Variants in SYMPK observed in about 807,000 individuals in gnomAD.
The protein encoded by SYMPK is symplekin scaffold protein.
A neutral mutation model predicts 136.4 loss-of-function variants in SYMPK; 49 were observed. The ratio of observed to expected loss-of-function variants is 0.36; its 90% CI spans 0.29 to 0.46. The LOEUF (loss-of-function observed/expected upper bound fraction) is 0.46. SYMPK is among the 20% of genes least tolerant of loss of function. The pLI, the probability that SYMPK is intolerant of heterozygous loss-of-function variation, is 1.00. For synonymous variants in SYMPK, 766 were observed against 713.0 expected (o/e 1.07, Z -1.19); for missense variants, 1,365 against 1,690.0 (o/e 0.81, Z 3.37).
Position 45,821,935 on chromosome 19 carries a change from G to C in SYMPK, c.2792-450C>G, listed in dbSNP as rs1026864801. ...GTGTGGGGCCTGGGGGAGTGGAGGG[G>C]AGGCTGGTGGAGTGGCTCTTTGCTG... On this transcript the variant is annotated intron_variant, in intron 21 of 26. Transcript: ENST00000245934. The surrounding 1 kb of genome is among the most constrained non-coding windows in gnomAD (Gnocchi z 4.4). 2.0e-5 allele frequency among the ~76,000 whole-genome samples: 3 copies of C among 152,146 alleles called. No individual in the cohort carries two copies. Among genetic ancestry groups the C allele is most frequent in the African/African-American group, 7.2e-5 (3 of 41,422 alleles).
At position 45,831,600 on chromosome 19, in the gene SYMPK, G is replaced by A. The variant is rs373321554; in HGVS notation, c.1394-12C>T. 1 of 1,568,504 alleles carries A rather than the reference G, an allele frequency of 6.4e-7. No homozygotes were observed. Among genetic ancestry groups the A allele is most frequent in the Admixed American group, 1.9e-5 (1 of 53,892 alleles). On this transcript the variant is annotated splice_polypyrimidine_tract_variant and intron_variant, in intron 11 of 26. Coordinates refer to ENST00000245934, the MANE Select transcript of SYMPK (RefSeq NM_004819.3). ...GGTCTGCTCTACACCTGAGGGGGAG[G>A]CAGCAAACAGACACCCAGTGCGTCA...
intron 5 of SYMPK, among the ~76,000 whole-genome samples, chr19:45,852,009 T>C (rs1404572876): frequency 6.6e-6 from 1 of 152,178 alleles, no homozygotes. Context: ...AAGGGTGGCT[T>C]GGGCCTGCAT....
intron 9 of SYMPK, among the ~76,000 whole-genome samples, chr19:45,839,403 T>A (rs1046631698): frequency 6.6e-6 from 1 of 152,154 alleles, no homozygotes; most frequent in African/African-American, 2.4e-5. Context: ...GTAAGTGAAA[T>A]GCTCAAAACA....
intron 22 of SYMPK, chr19:45,820,726 TCA>T (rs1970868896): frequency 6.1e-6 from 1 of 163,464 alleles, no homozygotes; most frequent in South Asian, 1.9e-4. Flanking sequence ...CCGTTTCACT[TCA>T]GATTCTGTTT....
At chr19:45,824,724 C>A (rs866010247) in intron 18 of SYMPK, among the ~76,000 whole-genome samples, 1 of 152,250 alleles carries the variant, frequency 6.6e-6, no homozygotes, top group Non-Finnish European at 1.5e-5. Flanking sequence ...TGTGGGCAGA[C>A]CTGTGCCTCT....
Position 45,827,909 on chromosome 19 carries a change from G to A in SYMPK, c.1995C>T (p.Thr665=). 6.2e-7 allele frequency: 1 copy of A among 1,613,848 alleles called. No individual in the cohort carries two copies. Among genetic ancestry groups the A allele is most frequent in the African/African-American group, 1.3e-5 (1 of 75,066 alleles). The change falls in exon 15 of 27, where the codon ACC becomes ACT. Residue 665 remains threonine (T), a synonymous_variant. Transcript: ENST00000245934. ...EKPDQKDGIF[T]KVVLEAPLIT... is the part of the protein sequence containing the mutation. ...TGAGTGGCGCCTCCAGCACAACCTT[G>A]GTGAAGATCCTGCCAGAGATGGAGG...
chr19:45,852,575 T>C (rs746912421), intron 3 of SYMPK, 40 bp from the exon 4 acceptor site: 1 of 1,612,198 alleles, frequency 6.2e-7, no homozygotes, highest in South Asian at 1.1e-5. Flanking sequence ...AATACCCATA[T>C]AAAACGAGGG....
In SYMPK at chr19:45,842,242, C is replaced by T. The variant is rs1256042334; in HGVS notation, c.1087+8G>A. On this transcript the variant is annotated splice_region_variant and intron_variant, in intron 9 of 26. Transcript: ENST00000245934. ...GTCTGCCTGCCCCACCCCACCAGCC[C>T]CTCTCACCCAGCTTCATCTTCTTGA... The T allele has an allele frequency of 1.2e-6, 2 of 1,613,842 alleles. No homozygotes were observed. The highest frequency in any genetic ancestry group is 1.7e-6 in the Non-Finnish European group (2 of 1,179,850).
In SYMPK at chr19:45,815,540, C is replaced by T. The variant is rs769363368; in HGVS notation, c.*20G>A. 1.8e-5 allele frequency: 27 copies of T among 1,527,056 alleles called. No homozygotes were observed. The East Asian group carries it at 5.6e-4, about 31-fold the overall frequency. 94.6% of individuals were successfully genotyped at this position (1,527,056 alleles called of 1,614,324 possible). A position where few individuals can be genotyped will look rare whatever the true frequency, so the allele number is the denominator to read the frequency against. On this transcript the variant is annotated 3_prime_UTR_variant, in exon 27 of 27. Coordinates refer to ENST00000245934, the MANE Select transcript of SYMPK (RefSeq NM_004819.3). ...CCAGCCCCGAGTCCCTGTCCCACCC[C>T]CTTTCCCCCTCGAGCCCCGTCAGCT...
At chr19:45,851,087 T>C (rs1309619597) in intron 5 of SYMPK, among the ~76,000 whole-genome samples, 1 of 152,084 alleles carries the variant, frequency 6.6e-6, no homozygotes, top group Non-Finnish European at 1.5e-5. Context: ...GGTTTCCACC[T>C]AAGTAAGCTG....
chr19:45,835,867 G>A (rs1971289088), intron 10 of SYMPK, among the ~76,000 whole-genome samples: 1 of 151,686 alleles, frequency 6.6e-6, no homozygotes, highest in Admixed American at 6.6e-5. Context: ...AGCCGAGATC[G>A]CGCTACTGCA....
At position 45,831,447 on chromosome 19, in the gene SYMPK, AG is replaced by A; in HGVS notation, c.1534del (p.Leu512TrpfsTer39). 3 of 1,607,550 alleles carry A rather than the reference AG, an allele frequency of 1.9e-6. No individual in the cohort carries two copies. Among genetic ancestry groups the A allele is most frequent in the Non-Finnish European group, 2.5e-6 (3 of 1,177,266 alleles). ...VVGSLSSMSP[L>X]EEEAPQAKRR... ...CTTGGCCTGCGGTGCCTCTTCCTCC[AG>A]GGGGGACATGGAGCTCAGGGAACCC... On this transcript the variant is annotated frameshift_variant, in exon 12 of 27. Transcript: ENST00000245934. LOFTEE classifies it high-confidence loss of function.
In SYMPK at chr19:45,816,841, C is replaced by T. The variant is rs746240919; in HGVS notation, c.3215G>A (p.Arg1072Gln). Residue 1072 changes from arginine (R) to glutamine (Q), a missense_variant, in exon 24 of 27, where the codon CGG (arginine) becomes CAG (glutamine). By Grantham distance (43) the Arg-to-Gln change is conservative. Coordinates refer to ENST00000245934, the MANE Select transcript of SYMPK (RefSeq NM_004819.3). ...GAVFDKCPEL[R>Q]EPLLAHVRSF... ...GCGGACATGGGCCAGCAGGGGCTCC[C>T]GGAGCTCTGGGCACTTGTCAAAGAC... 46 of 1,546,670 alleles carry T rather than the reference C, an allele frequency of 3.0e-5. No homozygotes were observed. The highest frequency in any genetic ancestry group is 3.7e-5 in the Non-Finnish European group (42 of 1,145,712).
At chr19:45,826,156 C>T in intron 17 of SYMPK, 70 bp downstream of exon 17, 1 of 1,534,470 alleles carries the variant, frequency 6.5e-7, no homozygotes, top group Non-Finnish European at 8.8e-7. Flanking sequence ...CCCACTCATC[C>T]CCTCTGCTCG....
Position 45,821,235 on chromosome 19 carries a change from G to A in SYMPK, c.2893+149C>T. On this transcript the variant is annotated intron_variant, in intron 22 of 26. Coordinates refer to ENST00000245934, the MANE Select transcript of SYMPK (RefSeq NM_004819.3). This position sits in a 1 kb window ranked among gnomAD's most constrained non-coding sequence, Gnocchi z 4.4. ...GAAGAGGAGGCAAGAAAAGGAGGGA[G>A]GGAGGGAGGTGGCTCTCCAGAGCTC... The A allele has an allele frequency of 1.4e-6, 1 of 712,158 alleles. No individual in the cohort carries two copies. Among genetic ancestry groups the A allele is most frequent in the Non-Finnish European group, 2.6e-6 (1 of 392,086 alleles). The allele number at this position is 712,158 out of a possible 1,614,324, so 44.1% of individuals were successfully genotyped here.
intron 10 of SYMPK, 146 bp downstream of exon 10, chr19:45,838,315 A>T: frequency 9.8e-7 from 1 of 1,017,878 alleles, no homozygotes; most frequent in Non-Finnish European, 1.4e-6. Flanking sequence ...TACAGCCTGC[A>T]GAACTGTAAG....
chr19:45,827,201 C>G (rs1046625392), intron 16 of SYMPK, among the ~76,000 whole-genome samples: 7 of 152,238 alleles, frequency 4.6e-5, no homozygotes, highest in Non-Finnish European at 7.3e-5. Context: ...GCACGAGGAG[C>G]CTGTGCTGGC....
At chr19:45,818,731 G>A (rs758079230) in intron 22 of SYMPK, among the ~76,000 whole-genome samples, 4 of 152,102 alleles carry the variant, frequency 2.6e-5, no homozygotes, top group Non-Finnish European at 5.9e-5. Context: ...ATGACCCCCC[G>A]ACTCAACACC....
chr19:45,816,813 G>T lies in SYMPK; in HGVS notation c.3243C>A (p.Ser1081=), dbSNP rs887902199. 6.5e-7 allele frequency: 1 copy of T among 1,537,596 alleles called. No individual in the cohort carries two copies. The highest frequency in any genetic ancestry group is 1.4e-5 in the African/African-American group (1 of 72,458). Residue 1081 remains serine (S), a synonymous_variant, in exon 24 of 27, where the codon TCC becomes TCA. Transcript: ENST00000245934. ...LREPLLAHVR[S]FTPHQQAHIP... ...GAAGGGGTACCTGGTGGGGGGTGAA[G>T]GAGCGGACATGGGCCAGCAGGGGCT...
Sources: gnomAD v4.1 joint callset for allele counts (sites outside exome capture counted in the v4.1 genomes callset) on GRCh38, gnomAD v4.1.1 for gene constraint, Gnocchi (gnomAD v3.1) non-coding constraint, MANE v1.5 for transcripts, NCBI Gene and HGNC (gene_info 2026-07-23, HGNC 2026-07-21) for gene names.